ARHGAP17: variants seen among roughly 807,000 people sequenced by gnomAD.
ARHGAP17 encodes rho GTPase-activating protein 17.
Under a neutral mutation model 99.5 loss-of-function variants are expected in ARHGAP17, and 57 were observed. The observed-to-expected ratio is 0.57, with a 90% CI of 0.46 to 0.71. The LOEUF (loss-of-function observed/expected upper bound fraction) is 0.71. ARHGAP17 is among the 30% of genes least tolerant of loss of function. The pLI, the probability that ARHGAP17 is intolerant of heterozygous loss-of-function variation, is 0.00. For synonymous variants in ARHGAP17, 417 were observed against 429.6 expected (o/e 0.97, Z 0.36); for missense variants, 1,000 against 1,122.4 (o/e 0.89, Z 1.56).
At position 24,929,918 on chromosome 16, in the gene ARHGAP17, G is replaced by A. The variant is rs74409118; in HGVS notation, c.2515+866C>T. Among the ~76,000 whole-genome samples the A allele has an allele frequency of 7.0e-3, 1,067 of 152,176 alleles. 18 individuals carry two copies. Among genetic ancestry groups the A allele is most frequent in the African/African-American group, 0.024 (998 of 41,526 alleles). ...AGAGGTGTATTTCAGCTTCTTTTCCGAAAGTGCCTCCACTTAGAACAATTT... is the reference window on the plus strand; with the variant it reads ...AGAGGTGTATTTCAGCTTCTTTTCCAAAAGTGCCTCCACTTAGAACAATTT... On this transcript the variant is annotated intron_variant, in intron 19 of 19. Coordinates refer to ENST00000289968, the MANE Select transcript of ARHGAP17 (RefSeq NM_001006634.3).
rs767638755 is a variant in ARHGAP17, at chr16:24,930,963, A to G, written c.2336T>C (p.Leu779Pro). ...QNPSLPAPQT[L>P]AGGNPETAQP... ...TGCAGTTTCAGGGTTACCCCCTGCC[A>G]GGGTCTGAGGAGCTGGCAGACTGGG... is the stretch of plus-strand genomic sequence containing the variant. Residue 779 changes from leucine (L) to proline (P), a missense_variant, in exon 19 of 20, where the codon CTG (leucine) becomes CCG (proline). Physicochemically the swap from Leu to Pro is moderately conservative, Grantham distance 98. This residue lies in a region of ARHGAP17 where 528 missense variants were observed against 511.4 expected (regional missense o/e 1.03). Transcript: ENST00000289968. The G allele has an allele frequency of 2.2e-5, 36 of 1,612,696 alleles. No individual in the cohort carries two copies. The South Asian group carries it at 3.5e-4, about 16-fold the overall frequency.
At chr16:24,921,340 C>T (rs549821555) in intron 19 of ARHGAP17, among the ~76,000 whole-genome samples, 1 of 152,312 alleles carries the variant, frequency 6.6e-6, no homozygotes, top group East Asian at 1.9e-4. Flanking sequence ...TGTAGTTTTG[C>T]TTTGCTGCGT....
At chr16:24,961,937 T>TATATATATA (rs2052018950) in intron 7 of ARHGAP17, among the ~76,000 whole-genome samples, 1 of 112,614 alleles carries the variant, frequency 8.9e-6, no homozygotes, top group African/African-American at 4.8e-5. Flanking sequence ...ATATGAAAAC[T>TATATATATA]TATATGCCGG....
intron 13 of ARHGAP17, among the ~76,000 whole-genome samples, chr16:24,948,155 T>G (rs1469033237): frequency 6.6e-6 from 1 of 152,092 alleles, no homozygotes; most frequent in Non-Finnish European, 1.5e-5. Flanking sequence ...CATTACAAAA[T>G]GTACTGAGAA....
chr16:24,922,959 G>A (rs1442386263), intron 19 of ARHGAP17, among the ~76,000 whole-genome samples: 1 of 152,120 alleles, frequency 6.6e-6, no homozygotes, highest in Non-Finnish European at 1.5e-5. Flanking sequence ...TTACCAGCAT[G>A]AGCCACCACA....
chr16:24,993,439 A>T (rs1371524108), intron 1 of ARHGAP17, among the ~76,000 whole-genome samples: 6 of 152,136 alleles, frequency 3.9e-5, no homozygotes, highest in African/African-American at 4.8e-5. Flanking sequence ...ACAAAAAAAA[A>T]TTAGCTGGGC....
chr16:24,961,658 G>T (rs866879121), intron 7 of ARHGAP17, among the ~76,000 whole-genome samples: 1 of 150,002 alleles, frequency 6.7e-6, no homozygotes, highest in African/African-American at 2.5e-5. Flanking sequence ...AGCCTCCTGA[G>T]TAGCTGGGAC....
intron 19 of ARHGAP17, among the ~76,000 whole-genome samples, chr16:24,925,294 G>A (rs2050811602): frequency 6.6e-6 from 1 of 152,156 alleles, no homozygotes; most frequent in Non-Finnish European, 1.5e-5. Context: ...CAAGAGAACT[G>A]CTTAAACCAG....
intron 7 of ARHGAP17, among the ~76,000 whole-genome samples, chr16:24,962,676 A>G (rs78777394): frequency 0.032 from 4,917 of 152,310 alleles, 279 homozygotes; most frequent in African/African-American, 0.11. Flanking sequence ...ATGAGGAAAT[A>G]ATCCACCACA....
rs113233086 is a variant in ARHGAP17, at chr16:24,977,164, A to G, written c.198+51T>C. ...CAACCAACCAATCCAGGGGTTGAAA[A>G]GCCTCAGAGAGACGCAGGAACTGTG... On this transcript the variant is annotated intron_variant, in intron 3 of 19. Coordinates refer to ENST00000289968, the MANE Select transcript of ARHGAP17 (RefSeq NM_001006634.3). 1.3e-3 allele frequency: 1,796 copies of G among 1,416,022 alleles called. 27 individuals carry two copies. The African/African-American group carries it at 0.023, about 18-fold the overall frequency. The allele number at this position is 1,416,022 out of a possible 1,614,324, so 87.7% of individuals were successfully genotyped here. A position where few individuals can be genotyped will look rare whatever the true frequency, so the allele number is the denominator to read the frequency against.
At chr16:24,932,350 G>A (rs557412747) in intron 18 of ARHGAP17, among the ~76,000 whole-genome samples, 19 of 152,256 alleles carry the variant, frequency 1.2e-4, no homozygotes, top group South Asian at 4.1e-4. Context: ...AAGGCCTATC[G>A]TTTTGAAAGT....
chr16:24,970,883 T>C (rs2052341383), intron 3 of ARHGAP17, among the ~76,000 whole-genome samples: 1 of 152,200 alleles, frequency 6.6e-6, no homozygotes, highest in Non-Finnish European at 1.5e-5. Flanking sequence ...ATTATTTTTG[T>C]TTGTTTTTTT....
At chr16:24,947,271 G>A (rs923310348) in intron 14 of ARHGAP17, among the ~76,000 whole-genome samples, 4 of 152,218 alleles carry the variant, frequency 2.6e-5, no homozygotes, top group African/African-American at 9.6e-5. Flanking sequence ...TTTGAGAACT[G>A]GGACAATGTC....
At chr16:24,930,128 A>G (rs2050943348) in intron 19 of ARHGAP17, among the ~76,000 whole-genome samples, 1 of 152,242 alleles carries the variant, frequency 6.6e-6, no homozygotes, top group Admixed American at 6.5e-5. Flanking sequence ...TAGGTAGCCC[A>G]CTAAAACCTG....
intron 9 of ARHGAP17, among the ~76,000 whole-genome samples, chr16:24,957,773 G>A (rs540077574): frequency 2.0e-5 from 3 of 152,298 alleles, no homozygotes; most frequent in South Asian, 4.2e-4. Flanking sequence ...GTCATCTGAA[G>A]TACCCACCAG....
At chr16:24,920,312 G>A (rs1469035338) in intron 19 of ARHGAP17, 52 bp from the exon 20 acceptor site, 2 of 1,604,356 alleles carry the variant, frequency 1.2e-6, no homozygotes, top group Non-Finnish European at 1.7e-6. Context: ...ACCCCCGAGA[G>A]GCCACCTGAG....
chr16:24,943,293 T>C (rs2051368448), intron 15 of ARHGAP17, among the ~76,000 whole-genome samples: 1 of 152,226 alleles, frequency 6.6e-6, no homozygotes, highest in African/African-American at 2.4e-5. Context: ...ATCCATAATC[T>C]AGCTAGAGAA....
chr16:25,000,042 G>A (rs941849637), intron 1 of ARHGAP17, among the ~76,000 whole-genome samples: 1 of 152,106 alleles, frequency 6.6e-6, no homozygotes, highest in African/African-American at 2.4e-5. Flanking sequence ...ACAGCAGAGT[G>A]GCTGATTGGA....
At chr16:24,983,280 T>C (rs1425424300) in intron 1 of ARHGAP17, among the ~76,000 whole-genome samples, 1 of 150,960 alleles carries the variant, frequency 6.6e-6, no homozygotes, top group Non-Finnish European at 1.5e-5. Context: ...GCTGGGATTA[T>C]AGGCATGAGC....
Sources: allele counts gnomAD v4.1 joint callset (sites outside exome capture counted in the v4.1 genomes callset), GRCh38; gene constraint gnomAD v4.1.1; regional missense constraint gnomAD v4.1.1; transcripts MANE v1.5; gene names NCBI Gene and HGNC (gene_info 2026-07-23, HGNC 2026-07-21).